INO80: variants seen among roughly 807,000 people sequenced by gnomAD.
INO80 encodes the protein INO80 complex ATPase subunit.
In INO80, 20 loss-of-function variants were observed where a neutral mutation model predicts 203.4. That is an observed-to-expected ratio of 0.10 (90% CI 0.07 to 0.14). The LOEUF is 0.14. INO80 is among the 10% of genes least tolerant of loss of function. INO80 has a pLI of 1.00. For synonymous variants in INO80, 726 were observed against 685.2 expected (o/e 1.06, Z -0.93); for missense variants, 1,419 against 1,914.4 (o/e 0.74, Z 4.83).
chr15:41,079,914 A>G lies in INO80; in HGVS notation c.928-10T>C, dbSNP rs778050588. 2 of 1,613,238 alleles carry G rather than the reference A, an allele frequency of 1.2e-6. No individual in the cohort carries two copies. Among genetic ancestry groups the G allele is most frequent in the South Asian group, 2.2e-5 (2 of 91,056 alleles). ...TGCACTGGTGAGCAAGCTGAAAACA[A>G]CAACAGCATTACAGCGGAAAGGACC... On this transcript the variant is annotated splice_polypyrimidine_tract_variant and intron_variant, in intron 8 of 35. Transcript: ENST00000648947.
At chr15:40,998,722 C>CGG (rs941418478) in intron 28 of INO80, among the ~76,000 whole-genome samples, 2 of 151,772 alleles carry the variant, frequency 1.3e-5, no homozygotes, top group African/African-American at 4.8e-5. Context: ...GGCACGATCT[C>CGG]GGCTCACTGC....
intron 14 of INO80, among the ~76,000 whole-genome samples, chr15:41,068,626 G>A (rs1034836193): frequency 6.6e-6 from 1 of 151,438 alleles, no homozygotes; most frequent in Non-Finnish European, 1.5e-5. Flanking sequence ...CGGAGGCCCA[G>A]GCATGTGGAT....
In INO80 at chr15:41,115,962, A is replaced by C. The variant is rs2046029168; in HGVS notation, c.-44+11T>G. On this transcript the variant is annotated intron_variant, in intron 1 of 35. Transcript: ENST00000648947. Reference sequence around the variant, plus strand: ...CCACTCCGTTCGCCCGCCCACGTCTAGTTGCCTCACCTCGGGCCGCCTGGC... The same window carrying C: ...CCACTCCGTTCGCCCGCCCACGTCTCGTTGCCTCACCTCGGGCCGCCTGGC... 2.7e-6 allele frequency: 1 copy of C among 375,624 alleles called. No individual in the cohort carries two copies. Among genetic ancestry groups the C allele is most frequent in the African/African-American group, 2.1e-5 (1 of 47,588 alleles). The allele number at this position is 375,624 out of a possible 1,614,324, so 23.3% of individuals were successfully genotyped here.
intron 27 of INO80, among the ~76,000 whole-genome samples, chr15:41,012,414 A>G (rs2044144332): frequency 1.3e-5 from 2 of 151,660 alleles, no homozygotes; most frequent in African/African-American, 4.8e-5. Context: ...AAAAATACAA[A>G]AATTAGCCAG....
rs1474139210 is a variant in INO80 at position 41,085,494 on chromosome 15, C to T, written c.748G>A (p.Val250Ile). The change falls in exon 7 of 36, where the codon GTC (valine) becomes ATC (isoleucine). Residue 250 changes from valine (V) to isoleucine (I), a missense_variant. Transcript: ENST00000648947. ...SPRRHHHQTKVFAKFSHDAPP... is the reference protein window; with the variant it reads ...SPRRHHHQTKIFAKFSHDAPP... ...GCATCGTGAGAAAACTTGGCAAAGA[C>T]TTTGGTCTGGTGGTGATGGCGACGA... 6.2e-7 allele frequency: 1 copy of T among 1,614,140 alleles called. No individual in the cohort carries two copies. The highest frequency in any genetic ancestry group is 8.5e-7 in the Non-Finnish European group (1 of 1,180,044).
At position 41,112,680 on chromosome 15, in the gene INO80, T is replaced by C. The variant is rs573056700; in HGVS notation, c.-44+3293A>G. On this transcript the variant is annotated intron_variant, in intron 1 of 35. Coordinates refer to ENST00000648947, the MANE Select transcript of INO80 (RefSeq NM_017553.3). ...GCATGCGCCTGTAGTCCCAGCTACT[T>C]GGGAGAATGAAGCAGGAGAATTTCT... 7.0e-5 allele frequency among the ~76,000 whole-genome samples: 10 copies of C among 141,868 alleles called. No individual in the cohort carries two copies. The East Asian group carries it at 2.0e-3, about 28-fold the overall frequency. 93.1% of individuals were successfully genotyped at this position (141,868 alleles called of 152,430 possible).
chr15:41,095,652 C>T lies in INO80; in HGVS notation c.330G>A (p.Lys110=), dbSNP rs781459209. 6.2e-7 allele frequency: 1 copy of T among 1,610,982 alleles called. No homozygotes were observed. The highest frequency in any genetic ancestry group is 8.5e-7 in the Non-Finnish European group (1 of 1,177,300). Residue 110 remains lysine (K), a synonymous_variant, in exon 4 of 36, where the codon AAG becomes AAA. Transcript: ENST00000648947. The part of the protein sequence containing the change: ...GVLQSESKCD[K]GNLYNFSKLK... ...GCTTAGAGAAATTATATAAATTCCC[C>T]TTATCACATTTTGATTCTGTATAAA...
chr15:41,031,953 CACAGCACAGG>C (rs1283562968), intron 24 of INO80, among the ~76,000 whole-genome samples: 1,656 of 78,614 alleles, frequency 0.021, 186 homozygotes, highest in Non-Finnish European at 0.028. Flanking sequence ...CACAGCACAG[CACAGCACAGG>C]ACAGCACAGC....
chr15:41,112,807 A>AC (rs1426274268), intron 1 of INO80, among the ~76,000 whole-genome samples: 2 of 151,418 alleles, frequency 1.3e-5, no homozygotes, highest in Non-Finnish European at 2.9e-5. Flanking sequence ...AAAAAAAAAA[A>AC]AAAAAACTTT....
intron 14 of INO80, among the ~76,000 whole-genome samples, chr15:41,061,293 T>G (rs1370745526): frequency 1.2e-3 from 134 of 115,436 alleles, no homozygotes; most frequent in Middle Eastern, 7.1e-3. Context: ...GAGCAAGACT[T>G]TGTTTCAAAA....
intron 16 of INO80, 93 bp downstream of exon 16, chr15:41,058,546 C>T (rs964016596): frequency 2.3e-5 from 26 of 1,107,594 alleles, no homozygotes; most frequent in Non-Finnish European, 3.3e-5. Context: ...TTCATATATA[C>T]AAGTCTGTGT....
At chr15:41,083,151 G>T (rs1257326080) in intron 7 of INO80, among the ~76,000 whole-genome samples, 1 of 151,518 alleles carries the variant, frequency 6.6e-6, no homozygotes, top group Non-Finnish European at 1.5e-5. Context: ...CAGGTGTCGT[G>T]GCGGGTGCCT....
intron 28 of INO80, among the ~76,000 whole-genome samples, chr15:40,998,243 G>A (rs1397767321): frequency 6.6e-6 from 1 of 151,878 alleles, no homozygotes; most frequent in African/African-American, 2.4e-5. Context: ...GGCTGGTCTT[G>A]AACTCCTGAC....
At chr15:41,023,356 T>G (rs1166731595) in intron 25 of INO80, 1 of 451,848 alleles carries the variant, frequency 2.2e-6, no homozygotes, top group Admixed American at 2.4e-5. Flanking sequence ...CCTGCAAAAT[T>G]AATAGCAGCT....
intron 27 of INO80, among the ~76,000 whole-genome samples, chr15:41,015,840 G>A (rs1003040790): frequency 4.0e-5 from 6 of 149,624 alleles, no homozygotes; most frequent in Non-Finnish European, 7.4e-5. Flanking sequence ...CCAGCTACTC[G>A]GGAGACTGGA....
chr15:41,052,840 G>A (rs1045564897), intron 19 of INO80, among the ~76,000 whole-genome samples: 3 of 140,896 alleles, frequency 2.1e-5, no homozygotes, highest in Non-Finnish European at 4.5e-5. Flanking sequence ...TGGGGAACAT[G>A]GCAAAACTGG....
chr15:40,994,488 C>T (rs566768063), intron 29 of INO80, among the ~76,000 whole-genome samples: 8 of 152,116 alleles, frequency 5.3e-5, no homozygotes, highest in South Asian at 2.1e-4. Context: ...CTCAGCCTCC[C>T]GAGTAGCTGG....
In INO80 at chr15:41,074,426, T is replaced by C. The variant is rs2140605396; in HGVS notation, c.1271A>G (p.Gln424Arg). The change falls in exon 10 of 36, where the codon CAG (glutamine) becomes CGG (arginine). Residue 424 changes from glutamine (Q) to arginine (R), a missense_variant. Coordinates refer to ENST00000648947, the MANE Select transcript of INO80 (RefSeq NM_017553.3). ...ILRKLEDSSTQRQIDIGGGVV... is the reference protein window; with the variant it reads ...ILRKLEDSSTRRQIDIGGGVV... ...TCCTCCACCTATATCGATTTGTCTC[T>C]GGGTAGAACTGTCTTCCAGTTTCCT... 1 of 1,614,012 alleles carries C rather than the reference T, an allele frequency of 6.2e-7. No homozygotes were observed. The highest frequency in any genetic ancestry group is 1.6e-4 in the Middle Eastern group (1 of 6,062).
intron 35 of INO80, among the ~76,000 whole-genome samples, chr15:40,981,330 C>G (rs866199385): frequency 6.6e-6 from 1 of 152,296 alleles, no homozygotes. Flanking sequence ...GAGGAGAAAC[C>G]CTGATGAGTA....
Sources: gnomAD v4.1 joint callset for allele counts (sites outside exome capture counted in the v4.1 genomes callset) on GRCh38, gnomAD v4.1.1 for gene constraint, MANE v1.5 for transcripts, NCBI Gene and HGNC (gene_info 2026-07-23, HGNC 2026-07-21) for gene names.